ADAM12: variants seen among roughly 807,000 people sequenced by gnomAD.
The protein encoded by ADAM12 is ADAM metallopeptidase domain 12, also known as disintegrin and metalloproteinase domain-containing protein 12.
ADAM12 carries 70 observed loss-of-function variants against 106.4 expected under a neutral mutation model. That is an observed-to-expected ratio of 0.66 (90% CI 0.54 to 0.80). The LOEUF (loss-of-function observed/expected upper bound fraction) is 0.80. ADAM12 is among the 30% of genes least tolerant of loss of function. ADAM12 has a pLI of 0.00. For synonymous variants in ADAM12, 420 were observed against 433.5 expected (o/e 0.97, Z 0.39); for missense variants, 1,010 against 1,171.9 (o/e 0.86, Z 2.02).
At chr10:126,115,371 GGAA>G (rs1955961463) in intron 6 of ADAM12, among the ~76,000 whole-genome samples, 1 of 152,188 alleles carries the variant, frequency 6.6e-6, no homozygotes, top group African/African-American at 2.4e-5. Context: ...CGATGGAGAG[GGAA>G]GGAGTCTGCT....
chr10:126,124,204 C>T (rs188039203), intron 5 of ADAM12, among the ~76,000 whole-genome samples: 15 of 152,046 alleles, frequency 9.9e-5, no homozygotes, highest in African/African-American at 3.4e-4. Context: ...CAACTGCTAA[C>T]TGAATTTCCT....
At chr10:126,346,633 C>T (rs1477025577) in intron 1 of ADAM12, among the ~76,000 whole-genome samples, 1 of 152,096 alleles carries the variant, frequency 6.6e-6, no homozygotes, top group African/African-American at 2.4e-5. Context: ...GTTAAAGTCT[C>T]CCATTATTAT....
chr10:126,190,546 T>G (rs1445271413), intron 3 of ADAM12, among the ~76,000 whole-genome samples: 2 of 152,144 alleles, frequency 1.3e-5, no homozygotes, highest in Non-Finnish European at 2.9e-5. Context: ...CCAGCTGTGC[T>G]GGAGGCTGGG....
In ADAM12 at chr10:126,016,100, T is replaced by C. The variant is rs779242920; in HGVS notation, c.*1179A>G. On this transcript the variant is annotated 3_prime_UTR_variant, in exon 23 of 23. Coordinates refer to ENST00000448723, the MANE Select transcript of ADAM12 (RefSeq NM_001288973.2). ...TCTTTTAAAGATTCCTGCAGCCAAG[T>C]TGGAAAAAGAGGATGCCCCATAGAG... 3.3e-5 allele frequency: 5 copies of C among 152,088 alleles called. No individual in the cohort carries two copies. The highest frequency in any genetic ancestry group is 4.8e-5 in the African/African-American group (2 of 41,360). 9.4% of individuals were successfully genotyped at this position (152,088 alleles called of 1,614,324 possible). A position where few individuals can be genotyped will look rare whatever the true frequency, so the allele number is the denominator to read the frequency against.
At chr10:126,072,814 T>C (rs1386543047) in intron 11 of ADAM12, among the ~76,000 whole-genome samples, 1 of 152,208 alleles carries the variant, frequency 6.6e-6, no homozygotes, top group Non-Finnish European at 1.5e-5. Flanking sequence ...CAGGGGCTGC[T>C]GTCCAGCAAA....
intron 3 of ADAM12, among the ~76,000 whole-genome samples, chr10:126,257,943 T>C (rs145293892): frequency 1.1e-4 from 17 of 152,306 alleles, no homozygotes; most frequent in African/African-American, 3.8e-4. Flanking sequence ...ACTAGTAAGA[T>C]AGGTGCCTAC....
chr10:126,172,441 C>T (rs542805727), intron 3 of ADAM12, among the ~76,000 whole-genome samples: 11 of 152,184 alleles, frequency 7.2e-5, no homozygotes, highest in African/African-American at 1.7e-4. Flanking sequence ...AAAAAGTGGG[C>T]GAAGGATATG....
chr10:126,189,899 G>A (rs547626008), intron 3 of ADAM12, among the ~76,000 whole-genome samples: 6 of 152,178 alleles, frequency 3.9e-5, no homozygotes, highest in Non-Finnish European at 7.3e-5. Flanking sequence ...TAGGCCGTGT[G>A]TGCAGCAGCT....
At chr10:126,025,485 G>A (rs944949154) in intron 21 of ADAM12, among the ~76,000 whole-genome samples, 4 of 152,104 alleles carry the variant, frequency 2.6e-5, no homozygotes, top group African/African-American at 9.7e-5. Flanking sequence ...GACAAGAATA[G>A]AGAAAAAAGA....
At chr10:126,039,547 A>C (rs1954123359) in intron 18 of ADAM12, 118 bp from the exon 19 acceptor site, 1 of 1,235,512 alleles carries the variant, frequency 8.1e-7, no homozygotes, top group African/African-American at 1.5e-5. Flanking sequence ...AAGAGAGTAC[A>C]CCCGTGAGTG....
At position 126,106,546 on chromosome 10, in the gene ADAM12, C is replaced by T. The variant is rs184128984; in HGVS notation, c.741+2047G>A. 3.9e-3 allele frequency among the ~76,000 whole-genome samples: 565 copies of T among 145,370 alleles called. 3 individuals are homozygous for T. Among genetic ancestry groups the T allele is most frequent in the African/African-American group, 0.014 (535 of 38,724 alleles). ...CTGTCACCAGGCTAGAGTGCGATGG[C>T]GTGATCTCGGCTCACTGCAACCTCT... On this transcript the variant is annotated intron_variant, in intron 8 of 22. Transcript: ENST00000448723.
chr10:126,198,312 T>TC (rs1957635506), intron 3 of ADAM12, among the ~76,000 whole-genome samples: 1 of 152,140 alleles, frequency 6.6e-6, no homozygotes, highest in Admixed American at 6.5e-5. Flanking sequence ...ATCAGGAAGG[T>TC]CTGTACCTTT....
chr10:126,203,693 A>C (rs1957742100), intron 3 of ADAM12, among the ~76,000 whole-genome samples: 1 of 152,206 alleles, frequency 6.6e-6, no homozygotes, highest in African/African-American at 2.4e-5. Context: ...ATATCTTTTG[A>C]GGTAAAATTT....
chr10:126,248,625 G>A (rs1170935429), intron 3 of ADAM12, among the ~76,000 whole-genome samples: 1 of 152,214 alleles, frequency 6.6e-6, no homozygotes, highest in East Asian at 1.9e-4. Flanking sequence ...CCATGAGCTA[G>A]GTATTGTTTT....
chr10:126,309,468 G>A (rs193048201), intron 2 of ADAM12, among the ~76,000 whole-genome samples: 17 of 152,244 alleles, frequency 1.1e-4, no homozygotes, highest in African/African-American at 3.6e-4. Context: ...AACATAAGCC[G>A]GCTTTAGTTT....
At chr10:126,137,356 G>T (rs144871609) in intron 4 of ADAM12, among the ~76,000 whole-genome samples, 1 of 152,170 alleles carries the variant, frequency 6.6e-6, no homozygotes, top group African/African-American at 2.4e-5. Context: ...TTGATATCAG[G>T]TAGAGTTAAG....
At chr10:126,315,783 C>T (rs985341309) in intron 2 of ADAM12, among the ~76,000 whole-genome samples, 1 of 152,096 alleles carries the variant, frequency 6.6e-6, no homozygotes, top group African/African-American at 2.4e-5. Context: ...TGTGATTCTT[C>T]ACTTTTCCAC....
chr10:126,341,420 G>T (rs1438340209), intron 1 of ADAM12, among the ~76,000 whole-genome samples: 1 of 152,170 alleles, frequency 6.6e-6, no homozygotes, highest in African/African-American at 2.4e-5. Context: ...TGGGGTCCAA[G>T]GCTTCGTTCT....
At chr10:126,277,611 C>A (rs981344768) in intron 3 of ADAM12, among the ~76,000 whole-genome samples, 3 of 152,178 alleles carry the variant, frequency 2.0e-5, no homozygotes, top group Non-Finnish European at 2.9e-5. Flanking sequence ...AAAATATGTA[C>A]TTTGCTAAGG....
Sources: allele counts gnomAD v4.1 joint callset (sites outside exome capture counted in the v4.1 genomes callset), GRCh38; gene constraint gnomAD v4.1.1; transcripts MANE v1.5; gene names NCBI Gene and HGNC (gene_info 2026-07-23, HGNC 2026-07-21).